The following TRIP4 variants were observed in gnomAD, a reference collection of about 807,000 sequenced individuals.
The protein encoded by TRIP4 is activating signal cointegrator 1.
Under a neutral mutation model 81.8 loss-of-function variants are expected in TRIP4, and 54 were observed. The observed-to-expected ratio is 0.66, with a 90% confidence interval of 0.53 to 0.83. The LOEUF (loss-of-function observed/expected upper bound fraction) is 0.83. TRIP4 is among the 40% of genes least tolerant of loss of function. The probability of loss-of-function intolerance (pLI) is 0.00; values close to 1 mark genes in which losing one functional copy is unlikely to be tolerated. For missense variants in TRIP4, 662 were observed against 683.6 expected (o/e 0.97, Z 0.35); for synonymous variants, 270 against 242.8 (o/e 1.11, Z -1.04).
At chr15:64,389,629 G>GATTATTT (rs1900057872) in intron 1 of TRIP4, among the ~76,000 whole-genome samples, 1 of 151,662 alleles carries the variant, frequency 6.6e-6, no homozygotes, top group Non-Finnish European at 1.5e-5. Context: ...GCAGTGGAAT[G>GATTATTT]CTATCAAATG....
At chr15:64,441,288 G>A (rs1892512844) in intron 11 of TRIP4, among the ~76,000 whole-genome samples, 1 of 151,878 alleles carries the variant, frequency 6.6e-6, no homozygotes, top group Admixed American at 6.6e-5. Flanking sequence ...GAGCCACTGC[G>A]CCCGGCCAAT....
intron 9 of TRIP4, among the ~76,000 whole-genome samples, chr15:64,420,978 A>G (rs564079311): frequency 1.3e-5 from 2 of 152,172 alleles, no homozygotes; most frequent in African/African-American, 2.4e-5. Context: ...CGACTTTTCA[A>G]TCAGCAATGG....
intron 11 of TRIP4, among the ~76,000 whole-genome samples, chr15:64,436,891 T>C (rs1478986082): frequency 1.3e-5 from 2 of 150,640 alleles, no homozygotes; most frequent in Admixed American, 6.6e-5. Context: ...GTATTTTTAG[T>C]AGAGACGGGG....
intron 11 of TRIP4, among the ~76,000 whole-genome samples, chr15:64,429,454 T>C (rs1213213938): frequency 6.6e-6 from 1 of 152,234 alleles, no homozygotes; most frequent in Non-Finnish European, 1.5e-5. Flanking sequence ...AACTATTCCA[T>C]GGCATAGGTG....
intron 6 of TRIP4, among the ~76,000 whole-genome samples, chr15:64,409,077 G>A (rs578019681): frequency 6.6e-6 from 1 of 152,064 alleles, no homozygotes; most frequent in Admixed American, 6.6e-5. Flanking sequence ...GCCAGGCATG[G>A]TGTTGCGCCT....
chr15:64,439,648 C>G (rs180795363), intron 11 of TRIP4, among the ~76,000 whole-genome samples: 3 of 150,056 alleles, frequency 2.0e-5, no homozygotes, highest in Non-Finnish European at 4.4e-5. Flanking sequence ...CTCAGCCTCC[C>G]GAGTGGCTGG....
chr15:64,445,667 CAAAA>C (rs34704960), intron 12 of TRIP4, among the ~76,000 whole-genome samples: 2 of 77,984 alleles, frequency 2.6e-5, no homozygotes, highest in Non-Finnish European at 4.5e-5. Context: ...CACTCAGTCT[CAAAA>C]AAAAAAAAAA....
intron 6 of TRIP4, among the ~76,000 whole-genome samples, chr15:64,407,501 C>A (rs1891654068): frequency 6.6e-6 from 1 of 151,752 alleles, no homozygotes; most frequent in Non-Finnish European, 1.5e-5. Flanking sequence ...CCCCATCTCA[C>A]TAAAAATACA....
rs1900265633 is a variant in TRIP4 at position 64,395,502 on chromosome 15, G to A, written c.376G>A (p.Glu126Lys). ...PAFTEPDTTA[E>K]VKTPFDLAKA... is the part of the protein sequence containing the mutation. ...ATTTACTGAACCTGACACGACTGCA[G>A]AGGTTAAAACACCTTTTGATTTGGC... Residue 126 changes from glutamate (E) to lysine (K), a missense_variant, in exon 3 of 13, where the codon GAG (glutamate) becomes AAG (lysine). Coordinates refer to ENST00000261884, the MANE Select transcript of TRIP4 (RefSeq NM_016213.5). The A allele has an allele frequency of 6.2e-7, 1 of 1,613,638 alleles. No homozygotes were observed. The highest frequency in any genetic ancestry group is 8.5e-7 in the Non-Finnish European group (1 of 1,179,750).
At chr15:64,454,123 T>G (rs8030575) in intron 12 of TRIP4, among the ~76,000 whole-genome samples, 8 of 152,198 alleles carry the variant, frequency 5.3e-5, no homozygotes, top group Non-Finnish European at 1.0e-4. Context: ...TTGTTTTTTT[T>G]TTTTGTTTTC....
chr15:64,398,380 G>C (rs1253574087), intron 4 of TRIP4, among the ~76,000 whole-genome samples: 3 of 135,652 alleles, frequency 2.2e-5, no homozygotes, highest in Non-Finnish European at 3.0e-5. Context: ...CTGAGCCCAG[G>C]AGTTTGAGAC....
chr15:64,450,654 A>T (rs1566987882), intron 12 of TRIP4: 2 of 455,456 alleles, frequency 4.4e-6, no homozygotes, highest in Admixed American at 4.7e-5. Context: ...CAAATGTCTG[A>T]TTTTTTTTAG....
intron 1 of TRIP4, 195 bp from the exon 2 acceptor site, chr15:64,393,751 A>G (rs777088289): frequency 1.3e-4 from 51 of 395,084 alleles, no homozygotes; most frequent in Non-Finnish European, 1.0e-4. Context: ...TTTTTCCTAC[A>G]CATAAGTGTA....
rs1455439377 is a variant in TRIP4 at position 64,431,831 on chromosome 15, T to A, written c.1575+6200T>A. Among the ~76,000 whole-genome samples, 5 of 42,434 alleles carry A rather than the reference T, an allele frequency of 1.2e-4. No homozygotes were observed. In the East Asian group the frequency reaches 6.5e-3, roughly 55 times the overall value. The allele number at this position is 42,434 out of a possible 152,430, so 27.8% of individuals were successfully genotyped here. ...TAAATGGTTTCAGAAACCATTTATA[T>A]TATATATATATATATATTTTTTTTA... On this transcript the variant is annotated intron_variant, in intron 11 of 12. Coordinates refer to ENST00000261884, the MANE Select transcript of TRIP4 (RefSeq NM_016213.5).
chr15:64,420,821 C>G (rs960681865), intron 9 of TRIP4, among the ~76,000 whole-genome samples: 2 of 152,056 alleles, frequency 1.3e-5, no homozygotes, highest in South Asian at 2.1e-4. Flanking sequence ...CGTGAGCCAC[C>G]GTGCCAGGCC....
Position 64,441,024 on chromosome 15 carries a change from G to A in TRIP4, c.1576-3982G>A, listed in dbSNP as rs143906720. On this transcript the variant is annotated intron_variant, in intron 11 of 12. Coordinates refer to ENST00000261884, the MANE Select transcript of TRIP4 (RefSeq NM_016213.5). Reference sequence around the variant, plus strand: ...TTTTTTATTTTTGAGACCGAGTCTCGCTCTGTCACCCAGTCTGGATGGAGT... The same window carrying A: ...TTTTTTATTTTTGAGACCGAGTCTCACTCTGTCACCCAGTCTGGATGGAGT... 9.5e-3 allele frequency among the ~76,000 whole-genome samples: 1,436 copies of A among 150,552 alleles called. 24 individuals are homozygous for A. The highest frequency in any genetic ancestry group is 0.034 in the African/African-American group (1,374 of 40,902).
In TRIP4 at chr15:64,393,326, G is replaced by GTT. The variant is rs1555408702; in HGVS notation, c.102-609_102-608dup. 1.7e-4 allele frequency: 19 copies of GTT among 114,398 alleles called. 1 individual carries two copies. Among genetic ancestry groups the GTT allele is most frequent in the African/African-American group, 3.4e-4 (12 of 35,354 alleles). 7.1% of individuals were successfully genotyped at this position (114,398 alleles called of 1,614,324 possible). On this transcript the variant is annotated intron_variant, in intron 1 of 12. Transcript: ENST00000261884. Reference sequence around the variant, plus strand: ...TACCATACCCGCCTAATTTTTTTTTGTTTTTTTTTTTTAGTAGAGACAGGG... The same window carrying GTT: ...TACCATACCCGCCTAATTTTTTTTTGTTTTTTTTTTTTTTAGTAGAGACAGGG...
At chr15:64,416,280 C>T (rs1315622679) in intron 8 of TRIP4, among the ~76,000 whole-genome samples, 2 of 151,962 alleles carry the variant, frequency 1.3e-5, no homozygotes, top group Admixed American at 6.6e-5. Context: ...GATGAAGAGA[C>T]CTGCTGGCAG....
chr15:64,408,163 G>GT (rs10641751), intron 6 of TRIP4, among the ~76,000 whole-genome samples: 10,715 of 132,558 alleles, frequency 0.081, 607 homozygotes, highest in African/African-American at 0.12. Context: ...CTTTATTTTT[G>GT]TTTTTTTTTT....
Sources: gnomAD v4.1 joint callset for allele counts (sites outside exome capture counted in the v4.1 genomes callset) on GRCh38, gnomAD v4.1.1 for gene constraint, MANE v1.5 for transcripts, NCBI Gene and HGNC (gene_info 2026-07-23, HGNC 2026-07-21) for gene names.